The following CNIH3 variants were observed in gnomAD, a reference collection of about 807,000 sequenced individuals.
The protein encoded by CNIH3 is protein cornichon homolog 3.
In CNIH3, 14 loss-of-function variants were observed where a neutral mutation model predicts 24.1. The observed-to-expected ratio is 0.58, with a 90% CI of 0.38 to 0.91. The LOEUF is 0.91. Among genes scored for constraint, CNIH3 ranks in the 40% least tolerant of loss-of-function variants. The probability of loss-of-function intolerance (pLI) is 0.00; values close to 1 mark genes in which losing one functional copy is unlikely to be tolerated. For synonymous variants in CNIH3, 68 were observed against 73.8 expected (o/e 0.92, Z 0.40); for missense variants, 178 against 196.8 (o/e 0.90, Z 0.57).
chr1:224,566,284 C>G (rs896341890), intron 4 of CNIH3: 6 of 151,908 alleles, frequency 3.9e-5, no homozygotes, highest in Non-Finnish European at 8.8e-5. Context: ...ACTTGCAACT[C>G]TCTTTGGTTT....
At chr1:224,669,490 C>T (rs986307311) in intron 1 of CNIH3, among the ~76,000 whole-genome samples, 2 of 152,178 alleles carry the variant, frequency 1.3e-5, no homozygotes, top group African/African-American at 4.8e-5. Context: ...TTATCATCCA[C>T]CTGAGTCCTC....
chr1:224,519,648 G>A (rs1678543535), intron 1 of CNIH3, among the ~76,000 whole-genome samples: 1 of 149,480 alleles, frequency 6.7e-6, no homozygotes, highest in African/African-American at 2.4e-5. Context: ...CATTTTGTGT[G>A]TGTACTCTTC....
rs191927241 is a variant in CNIH3, at chr1:224,545,220, A to G, written n.340-1609A>G. On this transcript the variant is annotated intron_variant and non_coding_transcript_variant, in intron 2 of 5. Coordinates refer to the CNIH3 transcript ENST00000471578. ...GACTGTGTAGCTTTTGCTGTCCACC[A>G]TACCTGTAGCTCCTACACATGGTGG... 4.7e-3 allele frequency among the ~76,000 whole-genome samples: 723 copies of G among 152,330 alleles called. 6 individuals are homozygous for G. The highest frequency in any genetic ancestry group is 0.027 in the Middle Eastern group (8 of 294).
At chr1:224,661,098 C>G (rs1452605077) in intron 1 of CNIH3, 1 of 169,746 alleles carries the variant, frequency 5.9e-6, no homozygotes, top group Non-Finnish European at 1.3e-5. Flanking sequence ...TGGATATCTT[C>G]AAAAACTGTT....
Position 224,674,758 on chromosome 1 carries a change from T to A in CNIH3, c.82-6200T>A, listed in dbSNP as rs183407790. 2.0e-5 allele frequency among the ~76,000 whole-genome samples: 3 copies of A among 151,772 alleles called. No individual in the cohort carries two copies. In the East Asian group the frequency reaches 5.8e-4, roughly 30 times the overall value. On this transcript the variant is annotated intron_variant, in intron 1 of 5. Coordinates refer to ENST00000272133, the MANE Select transcript of CNIH3 (RefSeq NM_152495.2). ...GCGTGTTCTCTGTTTGTAGCTGCCC[T>A]CCTTTCTGGACTTCTCGGTGGCTTC... is the stretch of plus-strand genomic sequence containing the variant.
At chr1:224,584,896 A>C (rs1002860842) in intron 5 of CNIH3, among the ~76,000 whole-genome samples, 6 of 152,214 alleles carry the variant, frequency 3.9e-5, no homozygotes, top group African/African-American at 1.4e-4. Context: ...CATCTTTAGG[A>C]ATGGGAACGA....
At chr1:224,493,371 G>A (rs1677309343) in intron 1 of CNIH3, among the ~76,000 whole-genome samples, 2 of 152,156 alleles carry the variant, frequency 1.3e-5, no homozygotes, top group South Asian at 2.1e-4. Flanking sequence ...TACCTGGGGC[G>A]CTGAACGTTT....
chr1:224,537,702 T>C (rs909859225), downstream of CNIH3: 1 of 152,234 alleles, frequency 6.6e-6, no homozygotes, highest in Non-Finnish European at 1.5e-5. Flanking sequence ...TCAGATACTT[T>C]TGGTTCACAC....
exon 3 of CNIH3, chr1:224,546,917 T>C: frequency 3.0e-6 from 3 of 985,174 alleles, no homozygotes; most frequent in Non-Finnish European, 3.6e-6. Context: ...CACATATTTT[T>C]AGTGACAAAG....
intron 4 of CNIH3, 135 bp downstream of exon 4, chr1:224,730,709 A>G (rs1344136141): frequency 4.1e-5 from 25 of 610,880 alleles, no homozygotes; most frequent in Non-Finnish European, 7.0e-5. Flanking sequence ...CTCTCTTTAA[A>G]GCCTGTTCCC....
chr1:224,650,651 C>T (rs1463401004), intron 1 of CNIH3, among the ~76,000 whole-genome samples: 1 of 152,114 alleles, frequency 6.6e-6, no homozygotes, highest in Non-Finnish European at 1.5e-5. Context: ...TAAACACCCG[C>T]AACAACAAAA....
chr1:224,614,426 C>T (rs180924166), upstream of CNIH3, among the ~76,000 whole-genome samples: 2 of 152,290 alleles, frequency 1.3e-5, no homozygotes, highest in Non-Finnish European at 1.5e-5. Context: ...ATAATCCCAG[C>T]GCTTTGGGAG....
At chr1:224,454,336 G>C (rs1042802879) in intron 1 of CNIH3, 2 of 981,770 alleles carry the variant, frequency 2.0e-6, no homozygotes, top group African/African-American at 1.8e-5. Context: ...GCAAAGCTAG[G>C]AGGCTTGGTA....
At chr1:224,679,162 A>G (rs1402619447) in intron 1 of CNIH3, among the ~76,000 whole-genome samples, 1 of 152,180 alleles carries the variant, frequency 6.6e-6, no homozygotes, top group Non-Finnish European at 1.5e-5. Flanking sequence ...CACTAAAAAT[A>G]TAAAAATTTT....
intron 1 of CNIH3, among the ~76,000 whole-genome samples, chr1:224,457,815 TA>T (rs1675744184): frequency 6.6e-6 from 1 of 152,230 alleles, no homozygotes; most frequent in Non-Finnish European, 1.5e-5. Flanking sequence ...ATGCATTTTA[TA>T]AATTAGTGAT....
At chr1:224,461,733 A>G (rs1279153556) in intron 1 of CNIH3, among the ~76,000 whole-genome samples, 1 of 152,226 alleles carries the variant, frequency 6.6e-6, no homozygotes, top group Non-Finnish European at 1.5e-5. Context: ...AACAACCAGC[A>G]CCACAATCTA....
intron 1 of CNIH3, among the ~76,000 whole-genome samples, chr1:224,510,479 C>A (rs1457117143): frequency 6.6e-6 from 1 of 151,506 alleles, no homozygotes; most frequent in South Asian, 2.1e-4. Context: ...AATCCCAGCA[C>A]TTTGGGAAGC....
chr1:224,700,160 G>A (rs1687404837), intron 3 of CNIH3, among the ~76,000 whole-genome samples: 1 of 152,132 alleles, frequency 6.6e-6, no homozygotes, highest in African/African-American at 2.4e-5. Context: ...CTGTATGGAG[G>A]CCACTAATAA....
At chr1:224,710,541 C>A (rs1445928368) in intron 3 of CNIH3, among the ~76,000 whole-genome samples, 1 of 152,210 alleles carries the variant, frequency 6.6e-6, no homozygotes, top group Non-Finnish European at 1.5e-5. Context: ...CACTAAAGGA[C>A]TTGGCATGGC....
Sources: gnomAD v4.1 joint callset for allele counts (sites outside exome capture counted in the v4.1 genomes callset) on GRCh38, gnomAD v4.1.1 for gene constraint, MANE v1.5 for transcripts, NCBI Gene and HGNC (gene_info 2026-07-23, HGNC 2026-07-21) for gene names.